MAP2: variants seen among roughly 807,000 people sequenced by gnomAD.
MAP2 encodes the protein microtubule-associated protein 2.
Under a neutral mutation model 137.6 loss-of-function variants are expected in MAP2, and 14 were observed. The observed-to-expected ratio is 0.10, with a 90% CI of 0.07 to 0.16. MAP2 has a LOEUF of 0.16. MAP2 is among the 10% of genes least tolerant of loss of function. The pLI, the probability that MAP2 is intolerant of heterozygous loss-of-function variation, is 1.00. For synonymous variants in MAP2, 786 were observed against 782.3 expected (o/e 1.00, Z -0.08); for missense variants, 2,088 against 2,191.5 (o/e 0.95, Z 0.94).
intron 3 of MAP2, among the ~76,000 whole-genome samples, chr2:209,603,708 A>G (rs2083706656): frequency 6.6e-6 from 1 of 152,096 alleles, no homozygotes; most frequent in Non-Finnish European, 1.5e-5. Flanking sequence ...GACTTTTCAC[A>G]TTTTTGACAG....
chr2:209,680,787 C>G lies in MAP2; in HGVS notation c.414C>G (p.Pro138=). The part of the protein sequence containing the change: ...EETANLPPSP[P]PSPASEQTVT... Reference sequence around the variant, plus strand: ...CAGCTAATCTGCCTCCTTCTCCACCCCCATCACCTGCCTCAGAACAGACTG... The same window carrying G: ...CAGCTAATCTGCCTCCTTCTCCACCGCCATCACCTGCCTCAGAACAGACTG... Residue 138 remains proline, a synonymous_variant, in exon 7 of 16, where the codon CCC becomes CCG. Transcript: ENST00000682079. The G allele has an allele frequency of 1.9e-6, 3 of 1,613,620 alleles. No individual in the cohort carries two copies. The highest frequency in any genetic ancestry group is 2.5e-6 in the Non-Finnish European group (3 of 1,179,692).
chr2:209,696,012 T>C lies in MAP2; in HGVS notation c.3842T>C (p.Ile1281Thr). The change falls in exon 8 of 16, where the codon ATT becomes ACT. Residue 1281 changes from isoleucine to threonine, a missense_variant. By Grantham distance (89) the Ile-to-Thr change is moderately conservative. Coordinates refer to ENST00000682079, the MANE Select transcript of MAP2 (RefSeq NM_001375505.1). ...ETCPSEHKGV[I>T]ESVVTIEDDF... Reference sequence around the variant, plus strand: ...TGCCCAAGTGAACACAAAGGAGTGATTGAGTCTGTTGTGACCATCGAGGAT... The same window carrying C: ...TGCCCAAGTGAACACAAAGGAGTGACTGAGTCTGTTGTGACCATCGAGGAT... 6.2e-7 allele frequency: 1 copy of C among 1,614,052 alleles called. No individual in the cohort carries two copies. The highest frequency in any genetic ancestry group is 8.5e-7 in the Non-Finnish European group (1 of 1,179,996).
chr2:209,639,360 G>GT (rs2093826301), intron 4 of MAP2, among the ~76,000 whole-genome samples: 2 of 152,070 alleles, frequency 1.3e-5, no homozygotes, highest in African/African-American at 4.8e-5. Context: ...AGTCTGTTAA[G>GT]TTTATTAGAC....
intron 5 of MAP2, among the ~76,000 whole-genome samples, chr2:209,657,859 TTTTTCCTGG>T (rs2041652305): frequency 6.6e-6 from 1 of 152,214 alleles, no homozygotes; most frequent in South Asian, 2.1e-4. Flanking sequence ...TTCAGAAAAG[TTTTTCCTGG>T]GCTTTTTTTC....
chr2:209,575,072 G>C (rs1488582099), intron 2 of MAP2, among the ~76,000 whole-genome samples: 3 of 152,024 alleles, frequency 2.0e-5, no homozygotes, highest in African/African-American at 4.8e-5. Context: ...CCAAGAGAAG[G>C]CATGATTTAT....
intron 13 of MAP2, chr2:209,710,490 G>T: frequency 2.0e-5 from 9 of 457,884 alleles, no homozygotes; most frequent in South Asian, 7.1e-5. Flanking sequence ...CCAACTTTTA[G>T]TTGATTGACT....
rs2075797261 is a variant in MAP2, at chr2:209,731,695, A to G, written c.*1298A>G. 1 of 152,268 alleles carries G rather than the reference A, an allele frequency of 6.6e-6. No homozygotes were observed. Among genetic ancestry groups the G allele is most frequent in the African/African-American group, 2.4e-5 (1 of 41,326 alleles). The allele number at this position is 152,268 out of a possible 1,614,324, so 9.4% of individuals were successfully genotyped here. On this transcript the variant is annotated 3_prime_UTR_variant, in exon 16 of 16. Transcript: ENST00000682079. ...ATAATAGTTTGAAACATGTTTTCTC[A>G]TTTTTCCAAATAGTATCTGTTTATT...
intron 5 of MAP2, among the ~76,000 whole-genome samples, chr2:209,666,049 T>C (rs1039888558): frequency 2.0e-5 from 3 of 152,206 alleles, no homozygotes; most frequent in African/African-American, 7.2e-5. Context: ...TTGTTGAATT[T>C]TGCATCTTCA....
At chr2:209,425,345 A>G (rs1692258860) in intron 1 of MAP2, among the ~76,000 whole-genome samples, 1 of 152,230 alleles carries the variant, frequency 6.6e-6, no homozygotes, top group South Asian at 2.1e-4. Flanking sequence ...TTAAATGCCT[A>G]AACACACAAG....
At chr2:209,645,955 G>A (rs2094395115) in intron 4 of MAP2, among the ~76,000 whole-genome samples, 2 of 152,188 alleles carry the variant, frequency 1.3e-5, no homozygotes, top group Admixed American at 1.3e-4. Flanking sequence ...AGAGGTCAAG[G>A]TGGATGGAAT....
chr2:209,591,280 A>G (rs1193345249), intron 3 of MAP2, among the ~76,000 whole-genome samples: 1 of 152,166 alleles, frequency 6.6e-6, no homozygotes, highest in Non-Finnish European at 1.5e-5. Flanking sequence ...GATTGTCACC[A>G]CTGGAGCAAG....
chr2:209,462,568 C>G (rs904616113), intron 1 of MAP2, among the ~76,000 whole-genome samples: 3 of 152,130 alleles, frequency 2.0e-5, no homozygotes, highest in African/African-American at 7.2e-5. Flanking sequence ...GAAAGTCAGT[C>G]TCTAGTCATG....
intron 4 of MAP2, among the ~76,000 whole-genome samples, chr2:209,636,201 C>G (rs977520264): frequency 2.6e-5 from 4 of 152,130 alleles, no homozygotes; most frequent in African/African-American, 4.8e-5. Context: ...TTAGAATTCA[C>G]TAAAGCAAAT....
chr2:209,693,447 TCAC>T lies in MAP2; in HGVS notation c.1279_1281del (p.Thr427del), dbSNP rs773214883. Reference sequence around the variant, plus strand: ...GAGACTGTGCAGCAAAGGGATACTTTCACCCCCAGTGGACAGGAACCTATACTT... The same window carrying T: ...GAGACTGTGCAGCAAAGGGATACTTTCCCCAGTGGACAGGAACCTATACTT... On this transcript the variant is annotated inframe_deletion, in exon 8 of 16. Transcript: ENST00000682079. 6.2e-7 allele frequency: 1 copy of T among 1,613,996 alleles called. No homozygotes were observed.
intron 1 of MAP2, among the ~76,000 whole-genome samples, chr2:209,461,253 T>C (rs886920890): frequency 1.3e-5 from 2 of 152,188 alleles, no homozygotes; most frequent in African/African-American, 4.8e-5. Flanking sequence ...CTACTTACAT[T>C]TGAGTTAAAT....
In MAP2 at chr2:209,700,277, C is replaced by G; in HGVS notation, c.4523C>G (p.Ala1508Gly). 6.2e-7 allele frequency: 1 copy of G among 1,612,696 alleles called. No homozygotes were observed. Among genetic ancestry groups the G allele is most frequent in the East Asian group, 2.2e-5 (1 of 44,798 alleles). The change falls in exon 11 of 16, where the codon GCA becomes GGA. Residue 1508 changes from alanine to glycine, a missense_variant and splice_region_variant. By Grantham distance (60) the Ala-to-Gly change is moderately conservative. This residue lies in a region of MAP2 where 591 missense variants were observed against 642.6 expected (regional missense o/e 0.92). Transcript: ENST00000682079. ...HLSCVKRKTT[A>G]AGGESALAPS... ...GTTGTTTGTCTTTTATTTTCAACAG[C>G]AGCAGGTGGGGAATCAGCTCTGGCT...
In MAP2 at chr2:209,694,357, C is replaced by T. The variant is rs369033681; in HGVS notation, c.2187C>T (p.Ser729=). ...GACATGATCTTTCTCCTCTGGCTTC[C>T]GATATTCTAACCAACACTAGTGGAA... The part of the protein sequence containing the change: ...GRGHDLSPLA[S]DILTNTSGSM... Residue 729 remains serine (S), a synonymous_variant, in exon 8 of 16, where the codon TCC becomes TCT. Transcript: ENST00000682079. 1.5e-5 allele frequency: 24 copies of T among 1,613,952 alleles called. No homozygotes were observed. The highest frequency in any genetic ancestry group is 1.7e-4 in the Middle Eastern group (1 of 6,060).
intron 5 of MAP2, among the ~76,000 whole-genome samples, chr2:209,660,604 C>T (rs2043030554): frequency 6.8e-6 from 1 of 148,138 alleles, no homozygotes; most frequent in Admixed American, 6.8e-5. Flanking sequence ...ACCGTGTTAG[C>T]CAGGATGGTC....
intron 1 of MAP2, among the ~76,000 whole-genome samples, chr2:209,484,604 C>T (rs576349685): frequency 2.0e-5 from 3 of 152,214 alleles, no homozygotes; most frequent in Non-Finnish European, 2.9e-5. Flanking sequence ...GCAGGAGAAT[C>T]GCTTGAACCC....
Sources: allele counts gnomAD v4.1 joint callset (sites outside exome capture counted in the v4.1 genomes callset), GRCh38; gene constraint gnomAD v4.1.1; regional missense constraint gnomAD v4.1.1; transcripts MANE v1.5; gene names NCBI Gene and HGNC (gene_info 2026-07-23, HGNC 2026-07-21).